SV2C: variants seen among roughly 807,000 people sequenced by gnomAD.
The protein encoded by SV2C is synaptic vesicle glycoprotein 2C.
Under a neutral mutation model 79.7 loss-of-function variants are expected in SV2C, and 49 were observed. That is an observed-to-expected ratio of 0.61 (90% CI 0.49 to 0.78). The LOEUF (loss-of-function observed/expected upper bound fraction) is 0.78. Among genes scored for constraint, SV2C ranks in the 30% least tolerant of loss-of-function variants. The pLI, the probability that SV2C is intolerant of heterozygous loss-of-function variation, is 0.00. For missense variants in SV2C, 833 were observed against 912.9 expected, an observed-to-expected ratio of 0.91 and a Z score of 1.13; for synonymous variants, 334 against 333.2, an observed-to-expected ratio of 1.00 and a Z score of -0.03.
the SV2C span, among the ~76,000 whole-genome samples, chr5:76,042,679 T>G: frequency 6.6e-6 from 1 of 152,166 alleles, no homozygotes. Flanking sequence ...ATGGCTCTGC[T>G]CCTGTTATTC....
At chr5:76,342,883 TC>T (rs1749469154) in intron 12 of SV2C, among the ~76,000 whole-genome samples, 2 of 129,768 alleles carry the variant, frequency 1.5e-5, no homozygotes, top group African/African-American at 5.2e-5. Flanking sequence ...TCTCTCTCTC[TC>T]TCTTTTTTTT....
At chr5:76,254,452 G>A (rs1007278031) in intron 4 of SV2C, among the ~76,000 whole-genome samples, 10 of 151,900 alleles carry the variant, frequency 6.6e-5, no homozygotes, top group Non-Finnish European at 1.5e-4. Context: ...AAACCTCCAT[G>A]TTTAGCTTTA....
At chr5:75,995,028 G>A in the SV2C span, among the ~76,000 whole-genome samples, 1 of 152,126 alleles carries the variant, frequency 6.6e-6, no homozygotes, top group African/African-American at 2.4e-5. Context: ...CTGAGGGCAG[G>A]AGAAAATGGA....
chr5:76,024,098 GT>G, the SV2C span, among the ~76,000 whole-genome samples: 1 of 152,084 alleles, frequency 6.6e-6, no homozygotes, highest in African/African-American at 2.4e-5. Context: ...GTTATTTTCT[GT>G]TTTTTCCTTC....
the SV2C span, among the ~76,000 whole-genome samples, chr5:75,895,812 C>A: frequency 3.9e-5 from 6 of 152,136 alleles, 1 homozygote; most frequent in South Asian, 1.2e-3. Context: ...TCTTGACTCC[C>A]GGAGCATGTG....
At chr5:75,983,912 CTG>C in the SV2C span, among the ~76,000 whole-genome samples, 1 of 152,106 alleles carries the variant, frequency 6.6e-6, no homozygotes, top group African/African-American at 2.4e-5. Flanking sequence ...TTTACTCAAA[CTG>C]TGAGTATATT....
At chr5:76,075,643 C>A in the SV2C span, 1 of 252,894 alleles carries the variant, frequency 4.0e-6, no homozygotes, top group Non-Finnish European at 8.4e-6. Context: ...GTGGCAGATC[C>A]ACACTTAGAT....
intron 12 of SV2C, among the ~76,000 whole-genome samples, chr5:76,303,872 T>C (rs1221895164): frequency 2.0e-5 from 3 of 152,188 alleles, no homozygotes; most frequent in Non-Finnish European, 1.5e-5. Context: ...GAGTGAAGTA[T>C]GGGAGAGCTG....
the SV2C span, among the ~76,000 whole-genome samples, chr5:75,902,559 G>A: frequency 0.04 from 6,139 of 152,190 alleles, 325 homozygotes; most frequent in African/African-American, 0.12. Flanking sequence ...CTTATCCTTC[G>A]GGGTTGAAAT....
intron 1 of SV2C, among the ~76,000 whole-genome samples, chr5:76,121,408 A>C (rs1748492608): frequency 6.6e-6 from 1 of 150,932 alleles, no homozygotes; most frequent in African/African-American, 2.4e-5. Flanking sequence ...TTTTGTTGCC[A>C]TTGCTTTTGG....
chr5:76,242,545 A>C (rs1054161858), intron 4 of SV2C: 1 of 405,490 alleles, frequency 2.5e-6, no homozygotes, highest in Non-Finnish European at 4.7e-6. Flanking sequence ...TTTAGGAACC[A>C]CACTTTAAAA....
chr5:75,969,604 A>T, the SV2C span, among the ~76,000 whole-genome samples: 5 of 152,356 alleles, frequency 3.3e-5, no homozygotes, highest in Non-Finnish European at 4.4e-5. Flanking sequence ...AAAGGGATCA[A>T]TTCAACAAGA....
chr5:76,099,160 A>C (rs1460283918), intron 1 of SV2C, among the ~76,000 whole-genome samples: 1 of 152,132 alleles, frequency 6.6e-6, no homozygotes, highest in Non-Finnish European at 1.5e-5. Context: ...ATAACAGTTC[A>C]TTCTGTATGT....
At position 76,202,801 on chromosome 5, in the gene SV2C, G is replaced by C. The variant is rs143473913; in HGVS notation, c.762-6935G>C. Among the ~76,000 whole-genome samples, 5 of 151,990 alleles carry C rather than the reference G, an allele frequency of 3.3e-5. No homozygotes were observed. In the East Asian group the frequency reaches 7.7e-4, roughly 24 times the overall value. On this transcript the variant is annotated intron_variant, in intron 3 of 12. Transcript: ENST00000502798. ...CTAGTCCAAGTTGAGATGTGTTGTA[G>C]GTATAAAATACATAGCAGTGGATTT...
the SV2C span, among the ~76,000 whole-genome samples, chr5:75,999,919 G>A: frequency 6.6e-6 from 1 of 152,046 alleles, no homozygotes; most frequent in Non-Finnish European, 1.5e-5. Context: ...TCTTTTATAA[G>A]ATGTTAACAT....
the SV2C span, among the ~76,000 whole-genome samples, chr5:75,871,467 A>C: frequency 2.0e-5 from 3 of 152,278 alleles, no homozygotes; most frequent in East Asian, 1.9e-4. Context: ...GAAAGCCCCC[A>C]AAAGTAAGGA....
intron 4 of SV2C, chr5:76,242,459 A>T: frequency 1.8e-6 from 1 of 563,458 alleles, no homozygotes. Context: ...AAGTGCTGTG[A>T]TTACAGGCAT....
the SV2C span, among the ~76,000 whole-genome samples, chr5:75,951,320 C>T: frequency 6.6e-6 from 1 of 151,974 alleles, no homozygotes; most frequent in Non-Finnish European, 1.5e-5. Flanking sequence ...GGTGGTGAGC[C>T]AGCTGCTCTG....
intron 4 of SV2C, among the ~76,000 whole-genome samples, chr5:76,284,590 C>T (rs559624001): frequency 6.6e-6 from 1 of 152,322 alleles, no homozygotes; most frequent in East Asian, 1.9e-4. Context: ...CTGACAAGAG[C>T]TGTGGCTGCT....
Sources: allele counts gnomAD v4.1 joint callset (sites outside exome capture counted in the v4.1 genomes callset), GRCh38; gene constraint gnomAD v4.1.1; transcripts MANE v1.5; gene names NCBI Gene and HGNC (gene_info 2026-07-23, HGNC 2026-07-21).